BRD3: variants seen among roughly 807,000 people sequenced by gnomAD.
The protein encoded by BRD3 is bromodomain-containing protein 3.
BRD3 carries 17 observed loss-of-function variants against 66.8 expected under a neutral mutation model. The observed-to-expected ratio is 0.25, with a 90% CI of 0.17 to 0.38. The LOEUF is 0.38. BRD3 is among the 10% of genes least tolerant of loss of function. BRD3 has a pLI of 1.00. For missense variants in BRD3, 713 were observed against 956.1 expected, an observed-to-expected ratio of 0.75 and a Z score of 3.35; for synonymous variants, 421 against 393.2, an observed-to-expected ratio of 1.07 and a Z score of -0.84.
At chr9:134,062,622 C>T (rs1193441798) in intron 1 of BRD3, among the ~76,000 whole-genome samples, 1 of 152,198 alleles carries the variant, frequency 6.6e-6, no homozygotes, top group Non-Finnish European at 1.5e-5. Context: ...ACCCGCCTCT[C>T]TACCCACTCC....
intron 8 of BRD3, 141 bp downstream of exon 8, chr9:134,041,619 G>T (rs1830048168): frequency 1.7e-6 from 2 of 1,146,964 alleles, no homozygotes; most frequent in Non-Finnish European, 2.4e-6. Flanking sequence ...GGCACTCCGA[G>T]TGTCTTTACG....
At chr9:134,059,401 G>A (rs1209311033) in intron 1 of BRD3, among the ~76,000 whole-genome samples, 1 of 152,252 alleles carries the variant, frequency 6.6e-6, no homozygotes, top group Non-Finnish European at 1.5e-5. Context: ...AGGAAGTGGG[G>A]CAGGGGTGGG....
intron 9 of BRD3, 107 bp from the exon 10 acceptor site, chr9:134,036,431 A>G (rs971964675): frequency 2.5e-6 from 4 of 1,576,046 alleles, no homozygotes; most frequent in Admixed American, 3.8e-5. Flanking sequence ...TCTGGGACCA[A>G]GCTTTCTTCC....
intron 1 of BRD3, 75 bp downstream of exon 1, chr9:134,067,870 C>G (rs1057096075): frequency 1.7e-4 from 24 of 144,622 alleles, no homozygotes; most frequent in Non-Finnish European, 3.7e-4. Flanking sequence ...GCCGCGCTCC[C>G]CGGCCCAGCC....
rs963919439 is a variant in BRD3, at chr9:134,068,015, C to G, written c.-184G>C. 6.9e-6 allele frequency: 1 copy of G among 145,370 alleles called. No homozygotes were observed. Among genetic ancestry groups the G allele is most frequent in the Non-Finnish European group, 1.5e-5 (1 of 65,292 alleles). The allele number at this position is 145,370 out of a possible 1,614,324, so 9.0% of individuals were successfully genotyped here. ...CGGCTCCTCTTTGGCTCGCCGGCCCCGGCAGCATAATAGACGCGCCGGAGC... is the reference window on the plus strand; with the variant it reads ...CGGCTCCTCTTTGGCTCGCCGGCCCGGGCAGCATAATAGACGCGCCGGAGC... On this transcript the variant is annotated 5_prime_UTR_variant, in exon 1 of 12. Transcript: ENST00000303407.
chr9:134,039,987 C>T (rs201882577), intron 9 of BRD3, 47 bp downstream of exon 9: 15 of 1,544,868 alleles, frequency 9.7e-6, no homozygotes, highest in Admixed American at 5.9e-5. Context: ...GCCCCCATGG[C>T]GTGCTGAGCG....
intron 9 of BRD3, among the ~76,000 whole-genome samples, chr9:134,039,030 C>T (rs1288628134): frequency 6.6e-6 from 1 of 152,118 alleles, no homozygotes; most frequent in Non-Finnish European, 1.5e-5. Context: ...GCTGACCCAG[C>T]TGTCTAACCC....
intron 9 of BRD3, among the ~76,000 whole-genome samples, chr9:134,037,715 T>A (rs538480046): frequency 2.0e-5 from 3 of 146,702 alleles, no homozygotes; most frequent in East Asian, 4.4e-4. Context: ...AAATTTTTTT[T>A]AAAAACATCA....
At chr9:134,048,495 G>A (rs574519418) in intron 5 of BRD3, 41 bp from the exon 6 acceptor site, 4 of 1,596,574 alleles carry the variant, frequency 2.5e-6, no homozygotes, top group South Asian at 1.1e-5. Context: ...GAAACCAGGG[G>A]CCCCGAAGAC....
intron 1 of BRD3, among the ~76,000 whole-genome samples, chr9:134,062,467 C>G (rs1482577502): frequency 6.6e-6 from 1 of 152,188 alleles, no homozygotes; most frequent in Non-Finnish European, 1.5e-5. Context: ...ACCTCATATG[C>G]CTCCTGCTTT....
rs200839692 is a variant in BRD3 at position 134,052,417 on chromosome 9, T to A, written c.240A>T (p.Pro80=). 2 of 1,608,574 alleles carry A rather than the reference T, an allele frequency of 1.2e-6. No individual in the cohort carries two copies. The highest frequency in any genetic ancestry group is 1.3e-5 in the African/African-American group (1 of 74,760). Residue 80 remains proline, a synonymous_variant, in exon 3 of 12, where the codon CCA becomes CCT. Transcript: ENST00000303407. The part of the protein sequence containing the change: ...LPDYHKIIKN[P]MDMGTIKKRL... ...TCTTCTTAATAGTCCCCATATCCAT[T>A]GGGTTTTTAATTATTTTATGATAAT...
At chr9:134,040,375 T>TCACC in intron 8 of BRD3, 106 bp from the exon 9 acceptor site, 4 of 1,322,674 alleles carry the variant, frequency 3.0e-6, no homozygotes, top group Non-Finnish European at 3.1e-6. Context: ...CGGAGCTGCC[T>TCACC]CAGCTGGGTG....
intron 1 of BRD3, among the ~76,000 whole-genome samples, chr9:134,059,117 G>C (rs1234731873): frequency 6.6e-6 from 1 of 152,252 alleles, no homozygotes; most frequent in Non-Finnish European, 1.5e-5. Context: ...AAAGTTCTAT[G>C]AATGAAATGT....
intron 6 of BRD3, among the ~76,000 whole-genome samples, chr9:134,047,622 G>A (rs1188150086): frequency 6.6e-6 from 1 of 152,204 alleles, no homozygotes; most frequent in East Asian, 1.9e-4. Flanking sequence ...TCCGTCTTGT[G>A]AGGGGGTGGG....
intron 9 of BRD3, chr9:134,036,590 C>T: frequency 6.2e-7 from 1 of 1,608,004 alleles, no homozygotes; most frequent in Non-Finnish European, 8.5e-7. Flanking sequence ...AAGAAATGAT[C>T]TCTGTATTCA....
rs1830058129 is a variant in BRD3, at chr9:134,041,904, C to T, written c.1263G>A (p.Glu421=). 1 of 1,607,512 alleles carries T rather than the reference C, an allele frequency of 6.2e-7. No individual in the cohort carries two copies. The highest frequency in any genetic ancestry group is 1.3e-5 in the African/African-American group (1 of 74,804). ...RFAKMPDEPV[E]APALPAPAAP... is the part of the protein sequence containing the mutation. ...CCGCGGGGGCAGGCAGCGCCGGTGC[C>T]TCCACGGGCTCATCTGGCATCTTGG... Residue 421 remains glutamate (E), a synonymous_variant, in exon 8 of 12, where the codon GAG becomes GAA. Transcript: ENST00000303407.
Position 134,045,798 on chromosome 9 carries a change from CA to C in BRD3, c.1087-378del, listed in dbSNP as rs957134525. Reference sequence around the variant, plus strand: ...CACGCCGCCACGCCATCAGCAGCCCCAGGGGGCGTGAGGCTGCAGCAAAGTC... The same window carrying C: ...CACGCCGCCACGCCATCAGCAGCCCCGGGGGCGTGAGGCTGCAGCAAAGTC... On this transcript the variant is annotated intron_variant, in intron 6 of 11. Coordinates refer to ENST00000303407, the MANE Select transcript of BRD3 (RefSeq NM_007371.4). The surrounding 1 kb of genome is among the most constrained non-coding windows in gnomAD (Gnocchi z 4.8). Among the ~76,000 whole-genome samples, 4 of 152,214 alleles carry C rather than the reference CA, an allele frequency of 2.6e-5. No individual in the cohort carries two copies. Among genetic ancestry groups the C allele is most frequent in the African/African-American group, 9.6e-5 (4 of 41,452 alleles).
chr9:134,034,368 C>T, intron 11 of BRD3: 1 of 264,078 alleles, frequency 3.8e-6, no homozygotes. Context: ...AGGGAACAGT[C>T]AGAAAGCTCA....
intron 1 of BRD3, among the ~76,000 whole-genome samples, chr9:134,067,615 C>G (rs1830694974): frequency 6.9e-6 from 1 of 145,766 alleles, no homozygotes; most frequent in South Asian, 2.1e-4. Flanking sequence ...GGCGCGCGGG[C>G]CGCGCCAACT....
Sources: allele counts gnomAD v4.1 joint callset (sites outside exome capture counted in the v4.1 genomes callset), GRCh38; gene constraint gnomAD v4.1.1; non-coding constraint Gnocchi (gnomAD v3.1); transcripts MANE v1.5; gene names NCBI Gene and HGNC (gene_info 2026-07-23, HGNC 2026-07-21).